INCENP: variants seen among roughly 807,000 people sequenced by gnomAD.
The protein encoded by INCENP is binds and activates aurora-B and -C in vivo and in vitro.
Under a neutral mutation model 107.3 loss-of-function variants are expected in INCENP, and 43 were observed. That is an observed-to-expected ratio of 0.40 (90% CI 0.31 to 0.52). The LOEUF is 0.52. Ranked by LOEUF, INCENP falls within the 20% of genes least tolerant of loss-of-function variation. The pLI is 0.53. For synonymous variants in INCENP, 488 were observed against 494.4 expected, an observed-to-expected ratio of 0.99 and a Z score of 0.17; for missense variants, 1,089 against 1,250.9, an observed-to-expected ratio of 0.87 and a Z score of 1.95.
intron 4 of INCENP, among the ~76,000 whole-genome samples, chr11:62,135,169 G>A (rs564203366): frequency 1.3e-5 from 2 of 152,164 alleles, no homozygotes; most frequent in Non-Finnish European, 2.9e-5. Flanking sequence ...CAGGACCAGC[G>A]CAAGAAGTGG....
intron 17 of INCENP, among the ~76,000 whole-genome samples, chr11:62,149,071 A>T (rs1428097440): frequency 1.3e-5 from 2 of 152,188 alleles, no homozygotes; most frequent in Admixed American, 6.5e-5. Context: ...ATACAGTTTT[A>T]AAAAAAGGGA....
intron 1 of INCENP, among the ~76,000 whole-genome samples, chr11:62,124,697 GCCT>G (rs1943712818): frequency 1.3e-5 from 2 of 152,212 alleles, no homozygotes; most frequent in African/African-American, 4.8e-5. Flanking sequence ...CTGGGCACCT[GCCT>G]TTCAGAAGTT....
chr11:62,138,773 A>G lies in INCENP; in HGVS notation c.1173+3A>G. ...CTGTGGCGGCAGCTGAGCCAGAGGTAAGACGGCTGCCTGGGGAAGGGAGGA... is the reference window on the plus strand; with the variant it reads ...CTGTGGCGGCAGCTGAGCCAGAGGTGAGACGGCTGCCTGGGGAAGGGAGGA... On this transcript the variant is annotated splice_donor_region_variant and intron_variant, in intron 6 of 18. Coordinates refer to ENST00000394818, the MANE Select transcript of INCENP (RefSeq NM_001040694.2). 1 of 1,613,994 alleles carries G rather than the reference A, an allele frequency of 6.2e-7. No individual in the cohort carries two copies. The highest frequency in any genetic ancestry group is 8.5e-7 in the Non-Finnish European group (1 of 1,179,926).
intron 18 of INCENP, among the ~76,000 whole-genome samples, chr11:62,151,468 T>C (rs1170193256): frequency 6.6e-6 from 1 of 152,208 alleles, no homozygotes; most frequent in Non-Finnish European, 1.5e-5. Context: ...ATCTGCTGAA[T>C]GGGAGAATAC....
At chr11:62,151,714 G>A (rs1239076737) in intron 18 of INCENP, 48 bp from the exon 19 acceptor site, 2 of 1,519,334 alleles carry the variant, frequency 1.3e-6, no homozygotes, top group South Asian at 1.1e-5. Flanking sequence ...GGGATGGGGA[G>A]GTTCATGGAG....
intron 4 of INCENP, among the ~76,000 whole-genome samples, chr11:62,137,601 A>G (rs1944019257): frequency 6.6e-6 from 1 of 152,204 alleles, no homozygotes; most frequent in Non-Finnish European, 1.5e-5. Flanking sequence ...CCGTGCTCTC[A>G]GATGGGCATG....
chr11:62,139,657 GACCCTAC>G, intron 7 of INCENP, among the ~76,000 whole-genome samples: 1 of 152,298 alleles, frequency 6.6e-6, no homozygotes, highest in South Asian at 2.1e-4. Context: ...AAACAATACT[GACCCTAC>G]ACCCTCCATG....
chr11:62,147,418 T>G (rs1420255371), intron 15 of INCENP, among the ~76,000 whole-genome samples: 1 of 152,170 alleles, frequency 6.6e-6, no homozygotes, highest in African/African-American at 2.4e-5. Flanking sequence ...GTGGTCTCTG[T>G]ACAATAGACA....
At position 62,148,452 on chromosome 11, in the gene INCENP, A is replaced by G. The variant is rs1462254864; in HGVS notation, c.2205-24A>G. On this transcript the variant is annotated intron_variant, in intron 15 of 18. Transcript: ENST00000394818. The stretch of plus-strand genomic sequence containing the variant: ...GGGCTGGGCCTCCACTTCCTGTCCT[A>G]ACAGGCTCTTGCTGGGTCCTCAGGG... The G allele has an allele frequency of 4.4e-6, 7 of 1,588,222 alleles. No homozygotes were observed. The African/African-American group carries it at 9.4e-5, about 21-fold the overall frequency.
In INCENP at chr11:62,146,806, G is replaced by C. The variant is rs1056345872; in HGVS notation, c.2108G>C (p.Arg703Pro). The change falls in exon 15 of 19, where the codon CGC becomes CCC. Residue 703 changes from arginine to proline, a missense_variant. Physicochemically the swap from Arg to Pro is moderately radical, Grantham distance 103 (BLOSUM62 -2). Coordinates refer to ENST00000394818, the MANE Select transcript of INCENP (RefSeq NM_001040694.2). ...REQERREQER[R>P]EQERREQERR... ...CAGGAGCGGCGCGAGCAGGAGCGGCGCGAGCAGGAGCGGCGGGAGCAGGAG... is the reference window on the plus strand; with the variant it reads ...CAGGAGCGGCGCGAGCAGGAGCGGCCCGAGCAGGAGCGGCGGGAGCAGGAG... 3 of 1,535,798 alleles carry C rather than the reference G, an allele frequency of 2.0e-6. No individual in the cohort carries two copies. The Admixed American group carries it at 5.9e-5, about 30-fold the overall frequency.
rs1943855357 is a variant in INCENP, at chr11:62,130,202, C to T, written c.675C>T (p.Ala225=). The T allele has an allele frequency of 6.2e-7, 1 of 1,613,836 alleles. No homozygotes were observed. The highest frequency in any genetic ancestry group is 8.5e-7 in the Non-Finnish European group (1 of 1,180,030). The change falls in exon 4 of 19, where the codon GCC becomes GCT. Residue 225 remains alanine, a synonymous_variant. Coordinates refer to ENST00000394818, the MANE Select transcript of INCENP (RefSeq NM_001040694.2). The part of the protein sequence containing the change: ...DEESTPKKSK[A]RILESITVSS... ...AATCAACACCTAAGAAGTCGAAGGC[C>T]AGGATACTGGAGTCCATCACAGTGA...
intron 3 of INCENP, among the ~76,000 whole-genome samples, chr11:62,129,359 G>C (rs1320733102): frequency 1.3e-5 from 2 of 152,192 alleles, no homozygotes; most frequent in African/African-American, 2.4e-5. Flanking sequence ...CCTTAGCAGA[G>C]CAGTACGGCT....
intron 4 of INCENP, among the ~76,000 whole-genome samples, chr11:62,134,357 G>A (rs1943947727): frequency 6.8e-6 from 1 of 146,274 alleles, no homozygotes; most frequent in African/African-American, 2.6e-5. Flanking sequence ...AGGCTGCACT[G>A]AGCTGAGATT....
chr11:62,137,423 G>A (rs1944015973), intron 4 of INCENP, among the ~76,000 whole-genome samples: 1 of 152,204 alleles, frequency 6.6e-6, no homozygotes, highest in Admixed American at 6.5e-5. Context: ...TCACCATTGG[G>A]GTCCTGGGGC....
intron 7 of INCENP, 151 bp from the exon 8 acceptor site, chr11:62,140,083 A>G: frequency 1.5e-6 from 1 of 660,368 alleles, no homozygotes. Flanking sequence ...TAAGGCTGAT[A>G]TGTCTGCGTT....
intron 18 of INCENP, among the ~76,000 whole-genome samples, chr11:62,150,661 T>C (rs1675109): frequency 0.49 from 74,108 of 152,088 alleles, 20,145 homozygotes; most frequent in Middle Eastern, 0.68. Flanking sequence ...AGGAAAGTCC[T>C]TGAGGAGTGC....
intron 4 of INCENP, among the ~76,000 whole-genome samples, chr11:62,130,841 A>G (rs916586855): frequency 3.3e-5 from 5 of 152,210 alleles, no homozygotes; most frequent in African/African-American, 9.6e-5. Flanking sequence ...TTAGATTTAA[A>G]TAGTTACATG....
chr11:62,134,778 G>A (rs1267492962), intron 4 of INCENP, among the ~76,000 whole-genome samples: 2 of 152,166 alleles, frequency 1.3e-5, no homozygotes, highest in Admixed American at 6.5e-5. Flanking sequence ...CTGGACGGGC[G>A]AGGTGGCTCA....
intron 7 of INCENP, among the ~76,000 whole-genome samples, chr11:62,139,688 G>A (rs953385668): frequency 3.3e-5 from 5 of 152,360 alleles, no homozygotes; most frequent in African/African-American, 9.6e-5. Context: ...ACCCTGCAGC[G>A]GGAGCTGCCC....
Sources: gnomAD v4.1 joint callset for allele counts (sites outside exome capture counted in the v4.1 genomes callset) on GRCh38, gnomAD v4.1.1 for gene constraint, MANE v1.5 for transcripts, NCBI Gene and HGNC (gene_info 2026-07-23, HGNC 2026-07-21) for gene names.